USH2A: variants seen among roughly 807,000 people sequenced by gnomAD.
USH2A encodes Usher syndrome 2A (autosomal recessive, mild).
Under a neutral mutation model 538.9 loss-of-function variants are expected in USH2A, and 443 were observed. That is an observed-to-expected ratio of 0.82 (90% CI 0.76 to 0.89). The LOEUF (loss-of-function observed/expected upper bound fraction) is 0.89, where lower values mean the gene tolerates loss of function less well. USH2A is among the 40% of genes least tolerant of loss of function. USH2A has a pLI of 0.00. For synonymous variants in USH2A, 2,413 were observed against 2,273.5 expected, an observed-to-expected ratio of 1.06 and a Z score of -1.75; for missense variants, 6,633 against 6,324.8, an observed-to-expected ratio of 1.05 and a Z score of -1.65.
chr1:216,086,595 G>T, intron 24 of USH2A, 124 bp downstream of exon 24: 3 of 788,016 alleles, frequency 3.8e-6, no homozygotes, highest in Non-Finnish European at 6.2e-6. Flanking sequence ...GGAAATTTTT[G>T]GCACATTAAT....
intron 11 of USH2A, among the ~76,000 whole-genome samples, chr1:216,282,694 T>C (rs1290525441): frequency 6.6e-6 from 1 of 152,144 alleles, no homozygotes; most frequent in Non-Finnish European, 1.5e-5. Flanking sequence ...ATCTTGGACA[T>C]TTTTGAGTCC....
At position 215,878,817 on chromosome 1, in the gene USH2A, T is replaced by C; in HGVS notation, c.8505A>G (p.Ser2835=). The stretch of plus-strand genomic sequence containing the variant: ...GTGGTTGCCAAGAAATCACAACATA[T>C]GATTCACTTAGTGGAATCACAGACA... ...GPLSVIPLSE[S]YVVISWQPPS... The change falls in exon 42 of 72, where the codon TCA becomes TCG. Residue 2835 remains serine (S), a synonymous_variant. Transcript: ENST00000307340. 6.2e-7 allele frequency: 1 copy of C among 1,614,064 alleles called. No homozygotes were observed. The highest frequency in any genetic ancestry group is 1.1e-5 in the South Asian group (1 of 91,084).
chr1:215,786,158 G>T (rs1298085424), intron 52 of USH2A, among the ~76,000 whole-genome samples: 1 of 152,150 alleles, frequency 6.6e-6, no homozygotes, highest in African/African-American at 2.4e-5. Flanking sequence ...ATGGTACATA[G>T]AAATTAATAT....
chr1:216,028,835 G>A (rs1669028142), intron 32 of USH2A, among the ~76,000 whole-genome samples: 1 of 152,014 alleles, frequency 6.6e-6, no homozygotes, highest in Non-Finnish European at 1.5e-5. Flanking sequence ...AGAATGCTGA[G>A]CAAGCAATTT....
chr1:215,692,267 A>G (rs1430768483), intron 61 of USH2A, among the ~76,000 whole-genome samples: 1 of 152,086 alleles, frequency 6.6e-6, no homozygotes, highest in African/African-American at 2.4e-5. Context: ...GAATAGTAAT[A>G]TATTCTTTTG....
At chr1:216,150,257 C>T (rs1329428264) in intron 21 of USH2A, among the ~76,000 whole-genome samples, 1 of 152,130 alleles carries the variant, frequency 6.6e-6, no homozygotes, top group Non-Finnish European at 1.5e-5. Context: ...GTGCTATCCC[C>T]AAACTGCCAC....
chr1:215,674,850 G>A lies in USH2A; in HGVS notation c.13061C>T (p.Ala4354Val), dbSNP rs1379854390. The A allele has an allele frequency of 1.2e-6, 2 of 1,614,182 alleles. No individual in the cohort carries two copies. Reference sequence around the variant, plus strand: ...TGGAGGGCTGACTTCTGATGGAGCAGCCTCCAGAGTTGTGATGCTGGTGGG... The same window carrying A: ...TGGAGGGCTGACTTCTGATGGAGCAACCTCCAGAGTTGTGATGCTGGTGGG... ...SKPTSITTLE[A>V]APSEVSPPDL... Residue 4354 changes from alanine (A) to valine (V), a missense_variant, in exon 63 of 72, where the codon GCT (alanine) becomes GTT (valine). Transcript: ENST00000307340.
intron 21 of USH2A, among the ~76,000 whole-genome samples, chr1:216,151,903 C>A (rs949965511): frequency 6.6e-6 from 1 of 152,086 alleles, no homozygotes; most frequent in Non-Finnish European, 1.5e-5. Flanking sequence ...TTTTTTCCTT[C>A]TTTTATTCGG....
chr1:215,677,778 TGA>T (rs1211918649), intron 62 of USH2A, among the ~76,000 whole-genome samples: 1 of 152,198 alleles, frequency 6.6e-6, no homozygotes, highest in East Asian at 1.9e-4. Flanking sequence ...CTCAACAGGT[TGA>T]GTTACATTCT....
intron 61 of USH2A, among the ~76,000 whole-genome samples, chr1:215,722,890 A>G (rs141818697): frequency 8.2e-4 from 125 of 152,326 alleles, no homozygotes; most frequent in African/African-American, 3.0e-3. Flanking sequence ...CCAAATTATC[A>G]GATTTATTTC....
At chr1:216,035,503 T>C (rs1446831027) in intron 32 of USH2A, among the ~76,000 whole-genome samples, 1 of 152,196 alleles carries the variant, frequency 6.6e-6, no homozygotes, top group African/African-American at 2.4e-5. Context: ...TGGGACTCCC[T>C]GTCTCTAGAA....
At chr1:216,148,828 T>G (rs2033769121) in intron 21 of USH2A, among the ~76,000 whole-genome samples, 1 of 150,872 alleles carries the variant, frequency 6.6e-6, no homozygotes, top group Non-Finnish European at 1.5e-5. Flanking sequence ...CTTTGCACCC[T>G]TAATCCCAGC....
At chr1:216,229,783 G>C (rs2102516898) in intron 14 of USH2A, among the ~76,000 whole-genome samples, 1 of 152,276 alleles carries the variant, frequency 6.6e-6, no homozygotes, top group East Asian at 1.9e-4. Context: ...GACAGGTGAT[G>C]GAACAGTACT....
At chr1:216,208,030 T>C (rs1172206152) in intron 15 of USH2A, among the ~76,000 whole-genome samples, 1 of 152,142 alleles carries the variant, frequency 6.6e-6, no homozygotes, top group Non-Finnish European at 1.5e-5. Context: ...TAAGATGTAA[T>C]ACAATTGCTT....
At position 216,422,200 on chromosome 1, in the gene USH2A, A is replaced by T. The variant is rs2102789019; in HGVS notation, c.137T>A (p.Phe46Tyr). 9 of 1,612,408 alleles carry T rather than the reference A, an allele frequency of 5.6e-6. No homozygotes were observed. The highest frequency in any genetic ancestry group is 7.6e-6 in the Non-Finnish European group (9 of 1,178,860). The change falls in exon 2 of 72, where the codon TTC (phenylalanine) becomes TAC (tyrosine). Residue 46 changes from phenylalanine (F) to tyrosine (Y), a missense_variant. Phe to Tyr is a conservative substitution (Grantham distance 22). Coordinates refer to ENST00000307340, the MANE Select transcript of USH2A (RefSeq NM_206933.4). The part of the protein sequence containing the change: ...LFPRLENVGA[F>Y]KKVSIVPTQA... ...GGTTGGCACGATGGAAACTTTCTTG[A>T]AAGCTCCCACGTTCTCCAGCCTTGG...
chr1:215,844,542 A>G, intron 45 of USH2A, 46 bp from the exon 46 acceptor site: 7 of 1,590,136 alleles, frequency 4.4e-6, no homozygotes, highest in East Asian at 2.2e-5. Flanking sequence ...TGTCTCTGAA[A>G]AAGCACATGT....
chr1:215,627,929 A>G (rs112356213), intron 71 of USH2A, among the ~76,000 whole-genome samples: 3,360 of 152,248 alleles, frequency 0.022, 110 homozygotes, highest in African/African-American at 0.075. Context: ...AAATTCTAGG[A>G]TTTTTGTTAT....
chr1:216,183,517 A>C (rs1162846472), intron 20 of USH2A, among the ~76,000 whole-genome samples: 2 of 151,980 alleles, frequency 1.3e-5, no homozygotes, highest in African/African-American at 4.8e-5. Flanking sequence ...ACGACTCACC[A>C]ACCGATTTAA....
At chr1:216,276,698 A>G (rs763932674) in intron 11 of USH2A, among the ~76,000 whole-genome samples, 15 of 152,134 alleles carry the variant, frequency 9.9e-5, no homozygotes, top group Admixed American at 2.6e-4. Context: ...CAATCATGGC[A>G]GAAGGCAAGG....
Sources: gnomAD v4.1 joint callset for allele counts (sites outside exome capture counted in the v4.1 genomes callset) on GRCh38, gnomAD v4.1.1 for gene constraint, MANE v1.5 for transcripts, NCBI Gene and HGNC (gene_info 2026-07-23, HGNC 2026-07-21) for gene names.